Variants in BBX observed in about 807,000 individuals in gnomAD.
BBX encodes HMG box transcription factor BBX.
A neutral mutation model predicts 100.2 loss-of-function variants in BBX; 30 were observed. The ratio of observed to expected loss-of-function variants is 0.30; its 90% CI spans 0.22 to 0.41. The LOEUF is 0.41. Ranked by LOEUF, BBX falls within the 10% of genes least tolerant of loss-of-function variation. The probability of loss-of-function intolerance (pLI) is 1.00; values close to 1 mark genes in which losing one functional copy is unlikely to be tolerated. For missense variants in BBX, 1,023 were observed against 1,129.8 expected (o/e 0.91, Z 1.35); for synonymous variants, 376 against 388.1 (o/e 0.97, Z 0.37).
chr3:107,715,044 A>C (rs1221095181), intron 4 of BBX, among the ~76,000 whole-genome samples: 1 of 152,182 alleles, frequency 6.6e-6, no homozygotes, highest in Admixed American at 6.5e-5. Flanking sequence ...TTGGCCTCCC[A>C]AAGTGCTGGG....
At chr3:107,591,601 C>T (rs1315409737) in intron 2 of BBX, among the ~76,000 whole-genome samples, 1 of 152,218 alleles carries the variant, frequency 6.6e-6, no homozygotes, top group Non-Finnish European at 1.5e-5. Flanking sequence ...GATCCTCCTG[C>T]CTCATACTCC....
At chr3:107,799,854 C>T (rs904719136) in intron 16 of BBX, among the ~76,000 whole-genome samples, 1 of 152,132 alleles carries the variant, frequency 6.6e-6, no homozygotes, top group Middle Eastern at 3.4e-3. Context: ...GGGGTGTGGC[C>T]GAAGAGTGAT....
chr3:107,800,178 T>C (rs1312042715), intron 16 of BBX, among the ~76,000 whole-genome samples: 1 of 152,200 alleles, frequency 6.6e-6, no homozygotes, highest in African/African-American at 2.4e-5. Flanking sequence ...TTCAATACAA[T>C]AGAAGTAGAA....
At chr3:107,801,431 T>C in intron 17 of BBX, 150 bp downstream of exon 17, 1 of 775,902 alleles carries the variant, frequency 1.3e-6, no homozygotes. Flanking sequence ...GCATATATGC[T>C]AATTAGCAGT....
rs904435479 is a variant in BBX at position 107,552,347 on chromosome 3, T to TTA, written c.-84+25949_-84+25950insTA. On this transcript the variant is annotated intron_variant, in intron 2 of 17. Coordinates refer to ENST00000325805, the MANE Select transcript of BBX (RefSeq NM_001142568.3). The stretch of plus-strand genomic sequence containing the variant: ...GGCAACAGAAGAAACCCTGTTTCAT[T>TTA]AAAAAAAAAAAAAAAAAAAAAAAAA... Among the ~76,000 whole-genome samples the TTA allele has an allele frequency of 8.7e-5, 4 of 45,938 alleles. 1 individual carries two copies. Among genetic ancestry groups the TTA allele is most frequent in the African/African-American group, 8.1e-5 (1 of 12,374 alleles). The allele number at this position is 45,938 out of a possible 152,430, so 30.1% of individuals were successfully genotyped here. A position where few individuals can be genotyped will look rare whatever the true frequency, so the allele number is the denominator to read the frequency against.
chr3:107,676,142 G>C (rs942994631), intron 3 of BBX, among the ~76,000 whole-genome samples: 5 of 152,040 alleles, frequency 3.3e-5, no homozygotes, highest in Admixed American at 6.6e-5. Flanking sequence ...TATAGAATCT[G>C]CTTCCAAAGA....
intron 3 of BBX, among the ~76,000 whole-genome samples, chr3:107,671,944 C>T (rs1345982303): frequency 4.6e-5 from 7 of 152,050 alleles, no homozygotes; most frequent in Non-Finnish European, 8.8e-5. Flanking sequence ...TTATCTCAGA[C>T]AACTACAGAA....
chr3:107,590,795 G>C (rs552624003), intron 2 of BBX, among the ~76,000 whole-genome samples: 1 of 152,264 alleles, frequency 6.6e-6, no homozygotes, highest in African/African-American at 2.4e-5. Context: ...TTATTTACTT[G>C]ATATTTACTC....
chr3:107,767,458 AAAC>A (rs1162116842), intron 10 of BBX, among the ~76,000 whole-genome samples: 2 of 152,198 alleles, frequency 1.3e-5, no homozygotes, highest in Non-Finnish European at 2.9e-5. Context: ...ACAACAGAAA[AAAC>A]AGATTGTAGG....
rs960364945 is a variant in BBX, at chr3:107,547,840, C to T, written c.-84+21442C>T. Among the ~76,000 whole-genome samples, 3 of 151,814 alleles carry T rather than the reference C, an allele frequency of 2.0e-5. 1 individual carries two copies. The highest frequency in any genetic ancestry group is 2.0e-4 in the Admixed American group (3 of 15,210). On this transcript the variant is annotated intron_variant, in intron 2 of 17. Transcript: ENST00000325805. ...CTCTGTTATTTGACAAATTTTGAGACTGAGACTTTGAGAGGTTGAGTAACT... is the reference window on the plus strand; with the variant it reads ...CTCTGTTATTTGACAAATTTTGAGATTGAGACTTTGAGAGGTTGAGTAACT...
intron 2 of BBX, among the ~76,000 whole-genome samples, chr3:107,609,329 T>G (rs1056773062): frequency 2.0e-5 from 3 of 152,170 alleles, no homozygotes; most frequent in Admixed American, 6.5e-5. Flanking sequence ...TCCTTAGGGA[T>G]ACTGGCCTAT....
At chr3:107,799,951 C>G (rs2070252014) in intron 16 of BBX, among the ~76,000 whole-genome samples, 1 of 152,122 alleles carries the variant, frequency 6.6e-6, no homozygotes, top group Non-Finnish European at 1.5e-5. Flanking sequence ...CCTCTCAGCA[C>G]CTCCGCAATT....
chr3:107,783,456 T>C (rs2068101044), intron 13 of BBX, among the ~76,000 whole-genome samples: 1 of 152,094 alleles, frequency 6.6e-6, no homozygotes, highest in Admixed American at 6.6e-5. Flanking sequence ...CTGATTATGA[T>C]TGGGTCCAAA....
intron 3 of BBX, among the ~76,000 whole-genome samples, chr3:107,681,370 A>G (rs1238166994): frequency 6.6e-6 from 1 of 152,122 alleles, no homozygotes; most frequent in African/African-American, 2.4e-5. Flanking sequence ...TCAAATTTAT[A>G]TAGTGCAGTG....
At chr3:107,666,347 C>T (rs56207962) in intron 3 of BBX, among the ~76,000 whole-genome samples, 2,082 of 152,304 alleles carry the variant, frequency 0.014, 48 homozygotes, top group African/African-American at 0.048. Context: ...CCAGTGGACA[C>T]ATTACGCTCC....
intron 15 of BBX, among the ~76,000 whole-genome samples, chr3:107,797,337 A>AATATATATACATATATATATATATATAT: frequency 2.5e-5 from 1 of 39,346 alleles, no homozygotes; most frequent in East Asian, 1.6e-3. Flanking sequence ...TTTTCTTCCA[A>AATATATATACATATATATATATATATAT]ATATATATAT....
At chr3:107,597,425 A>G (rs1431178571) in intron 2 of BBX, among the ~76,000 whole-genome samples, 1 of 152,204 alleles carries the variant, frequency 6.6e-6, no homozygotes, top group Non-Finnish European at 1.5e-5. Flanking sequence ...AAAGCTTTGA[A>G]AAATATTAGA....
chr3:107,747,581 G>C (rs1473289592), intron 8 of BBX, among the ~76,000 whole-genome samples: 1 of 151,982 alleles, frequency 6.6e-6, no homozygotes, highest in Non-Finnish European at 1.5e-5. Flanking sequence ...AGCTTGGAAG[G>C]AGTGGTATTG....
At chr3:107,727,223 CGT>C (rs2063012258) in intron 5 of BBX, among the ~76,000 whole-genome samples, 1 of 152,098 alleles carries the variant, frequency 6.6e-6, no homozygotes, top group Non-Finnish European at 1.5e-5. Flanking sequence ...AAACCCGGCC[CGT>C]GTGCTTTTAC....
Sources: gnomAD v4.1 joint callset for allele counts (sites outside exome capture counted in the v4.1 genomes callset) on GRCh38, gnomAD v4.1.1 for gene constraint, MANE v1.5 for transcripts, NCBI Gene and HGNC (gene_info 2026-07-23, HGNC 2026-07-21) for gene names.